Variants in SLC26A4 observed in about 807,000 individuals in gnomAD.
The protein encoded by SLC26A4 is solute carrier family 26 member 4.
In SLC26A4, 93 loss-of-function variants were observed where a neutral mutation model predicts 90.4. The observed-to-expected ratio is 1.03, with a 90% CI of 0.87 to 1.22. SLC26A4 has a LOEUF of 1.22. SLC26A4 is among the 50% of genes most tolerant of loss of function. SLC26A4 has a pLI of 0.00. For missense variants in SLC26A4, 1,127 were observed against 946.2 expected, an observed-to-expected ratio of 1.19 and a Z score of -2.51; for synonymous variants, 393 against 354.6, an observed-to-expected ratio of 1.11 and a Z score of -1.22.
Position 107,675,067 on chromosome 7 carries a change from T to C in SLC26A4, c.723T>C (p.Asn241=). 6.2e-7 allele frequency: 1 copy of C among 1,614,074 alleles called. No individual in the cohort carries two copies. The part of the protein sequence containing the change: ...VLVSQLKIVL[N]VSTKNYNGVL... ...TCTCACAGCTAAAGATTGTCCTCAA[T>C]GTTTCAACCAAAAACTACAATGGAG... The change falls in exon 6 of 21, where the codon AAT becomes AAC. Residue 241 remains asparagine (N), a synonymous_variant. Transcript: ENST00000644269.
chr7:107,687,990 C>T lies in SLC26A4; in HGVS notation c.1002-1063C>T, dbSNP rs1274771049. On this transcript the variant is annotated intron_variant, in intron 8 of 20. Transcript: ENST00000644269. ...AAAAGGAGTCTGAAAATTAACCTCACTGGTAGGGAGAGTAAGGCTACAAGG... is the reference window on the plus strand; with the variant it reads ...AAAAGGAGTCTGAAAATTAACCTCATTGGTAGGGAGAGTAAGGCTACAAGG... Among the ~76,000 whole-genome samples, 5 of 152,112 alleles carry T rather than the reference C, an allele frequency of 3.3e-5. No homozygotes were observed. The South Asian group carries it at 1.0e-3, about 31-fold the overall frequency.
At chr7:107,682,455 A>T (rs1051514668) in intron 6 of SLC26A4, among the ~76,000 whole-genome samples, 17 of 152,126 alleles carry the variant, frequency 1.1e-4, no homozygotes, top group East Asian at 3.9e-4. Flanking sequence ...GTTTTAATTT[A>T]AAAAAAAGTA....
chr7:107,708,274 C>G (rs1202348279), intron 18 of SLC26A4, among the ~76,000 whole-genome samples: 1 of 152,142 alleles, frequency 6.6e-6, no homozygotes, highest in Non-Finnish European at 1.5e-5. Flanking sequence ...CTTGCTTAAA[C>G]CTTCATTTGG....
At chr7:107,692,632 C>G (rs1003886326) in intron 10 of SLC26A4, among the ~76,000 whole-genome samples, 3 of 152,164 alleles carry the variant, frequency 2.0e-5, no homozygotes, top group African/African-American at 7.2e-5. Context: ...CTGTTTTTAG[C>G]ACATCTACAG....
At chr7:107,690,372 T>C (rs1791534933) in intron 10 of SLC26A4, 135 bp downstream of exon 10, 2 of 696,658 alleles carry the variant, frequency 2.9e-6, no homozygotes, top group Admixed American at 2.0e-5. Flanking sequence ...ACCTCAGGCC[T>C]ATTCCTCTTG....
intron 10 of SLC26A4, chr7:107,691,967 A>G: frequency 7.8e-7 from 1 of 1,288,324 alleles, no homozygotes; most frequent in Non-Finnish European, 1.0e-6. Flanking sequence ...AGCACTGACA[A>G]GCTCTCCAGA....
intron 19 of SLC26A4, among the ~76,000 whole-genome samples, chr7:107,712,328 A>G (rs988026850): frequency 6.6e-6 from 1 of 152,232 alleles, no homozygotes; most frequent in Non-Finnish European, 1.5e-5. Context: ...AGTTTACACA[A>G]TGGAGAACTA....
At chr7:107,675,496 G>A (rs969191896) in intron 6 of SLC26A4, among the ~76,000 whole-genome samples, 1 of 150,340 alleles carries the variant, frequency 6.7e-6, no homozygotes, top group African/African-American at 2.4e-5. Flanking sequence ...GACAGAGCAA[G>A]AACCTGTTTC....
intron 6 of SLC26A4, among the ~76,000 whole-genome samples, chr7:107,678,253 G>A (rs918021939): frequency 1.3e-5 from 2 of 151,982 alleles, no homozygotes; most frequent in Non-Finnish European, 2.9e-5. Flanking sequence ...AACACATATT[G>A]AATACTTACC....
At chr7:107,677,639 C>G (rs911854957) in intron 6 of SLC26A4, among the ~76,000 whole-genome samples, 1 of 150,898 alleles carries the variant, frequency 6.6e-6, no homozygotes, top group African/African-American at 2.4e-5. Context: ...AGGGTCTTGC[C>G]CCATTGCCTG....
chr7:107,713,900 TTATTATTAG>T (rs1792265109), intron 20 of SLC26A4, among the ~76,000 whole-genome samples: 1 of 117,908 alleles, frequency 8.5e-6, no homozygotes, highest in African/African-American at 3.8e-5. Context: ...TAATTTTGTA[TTATTATTAG>T]TATTATTATT....
At chr7:107,696,735 A>G (rs1241960974) in intron 13 of SLC26A4, among the ~76,000 whole-genome samples, 1 of 152,136 alleles carries the variant, frequency 6.6e-6, no homozygotes, top group Admixed American at 6.6e-5. Context: ...GAAGGTGAGG[A>G]GCCTGAAGGT....
chr7:107,674,496 C>A, intron 5 of SLC26A4, 148 bp downstream of exon 5: 3 of 719,028 alleles, frequency 4.2e-6, no homozygotes, highest in Non-Finnish European at 7.1e-6. Flanking sequence ...TGTTTTAGGT[C>A]AGGTGCTAAA....
intron 20 of SLC26A4, among the ~76,000 whole-genome samples, chr7:107,712,939 G>A (rs1792233199): frequency 6.6e-6 from 1 of 152,276 alleles, no homozygotes; most frequent in Middle Eastern, 3.4e-3. Flanking sequence ...GGAAAAAAAT[G>A]AATAGAGGAA....
intron 3 of SLC26A4, among the ~76,000 whole-genome samples, chr7:107,670,778 G>T (rs1790844434): frequency 6.6e-6 from 1 of 152,172 alleles, no homozygotes; most frequent in African/African-American, 2.4e-5. Context: ...CATTGTGAGT[G>T]AGTGAAGGGT....
Position 107,696,048 on chromosome 7 carries a change from C to A in SLC26A4, c.1544+9C>A. On this transcript the variant is annotated intron_variant, in intron 13 of 20. Transcript: ENST00000644269. ...GTCCTGAGAGTTCAGTTGTGAGTAACGTAAAACCCAGATTTCCTATAAACA... is the reference window on the plus strand; with the variant it reads ...GTCCTGAGAGTTCAGTTGTGAGTAAAGTAAAACCCAGATTTCCTATAAACA... 2 of 1,454,766 alleles carry A rather than the reference C, an allele frequency of 1.4e-6. No individual in the cohort carries two copies. Among genetic ancestry groups the A allele is most frequent in the Non-Finnish European group, 1.9e-6 (2 of 1,034,818 alleles). The allele number at this position is 1,454,766 out of a possible 1,614,324, so 90.1% of individuals were successfully genotyped here.
intron 6 of SLC26A4, among the ~76,000 whole-genome samples, chr7:107,677,325 C>T (rs1162930179): frequency 6.6e-6 from 1 of 152,182 alleles, no homozygotes; most frequent in Non-Finnish European, 1.5e-5. Context: ...GCCTCAGTGT[C>T]CTCAATTGTA....
At chr7:107,686,171 C>G (rs904411933) in intron 8 of SLC26A4, among the ~76,000 whole-genome samples, 1 of 151,458 alleles carries the variant, frequency 6.6e-6, no homozygotes, top group African/African-American at 2.4e-5. Context: ...AATTTTAATC[C>G]CTATTCACTG....
chr7:107,683,473 A>G lies in SLC26A4; in HGVS notation c.937A>G (p.Ile313Val), dbSNP rs780354479. ...EVIVTIIATA[I>V]SYGANLEKNY... ...ATTTCAGACGATAATTGCTACTGCC[A>G]TTTCATATGGAGCCAACCTGGAAAA... The change falls in exon 8 of 21, where the codon ATT (isoleucine) becomes GTT (valine). Residue 313 changes from isoleucine to valine, a missense_variant. Coordinates refer to ENST00000644269, the MANE Select transcript of SLC26A4 (RefSeq NM_000441.2). 39 of 1,613,800 alleles carry G rather than the reference A, an allele frequency of 2.4e-5. No homozygotes were observed. The highest frequency in any genetic ancestry group is 3.1e-5 in the Non-Finnish European group (36 of 1,179,856).
Sources: gnomAD v4.1 joint callset for allele counts (sites outside exome capture counted in the v4.1 genomes callset) on GRCh38, gnomAD v4.1.1 for gene constraint, MANE v1.5 for transcripts, NCBI Gene and HGNC (gene_info 2026-07-23, HGNC 2026-07-21) for gene names.